BABAM2: variants seen among roughly 807,000 people sequenced by gnomAD.
BABAM2 encodes BRISC and BRCA1-A complex member 2.
BABAM2 carries 31 observed loss-of-function variants against 54.7 expected under a neutral mutation model. The ratio of observed to expected loss-of-function variants is 0.57; its 90% confidence interval spans 0.43 to 0.77. The LOEUF is 0.77. Among genes scored for constraint, BABAM2 ranks in the 30% least tolerant of loss-of-function variants. The pLI is 0.00. For missense variants in BABAM2, 364 were observed against 455.8 expected (o/e 0.80, Z 1.83); for synonymous variants, 167 against 162.9 (o/e 1.03, Z -0.19).
At chr2:27,974,738 T>C (rs923299230) in intron 3 of BABAM2, among the ~76,000 whole-genome samples, 1 of 152,056 alleles carries the variant, frequency 6.6e-6, no homozygotes, top group Admixed American at 6.5e-5. Context: ...AACATAGTAC[T>C]GGAAGTTGCA....
intron 10 of BABAM2, among the ~76,000 whole-genome samples, chr2:28,297,439 C>T (rs940744463): frequency 6.6e-6 from 1 of 152,114 alleles, no homozygotes; most frequent in African/African-American, 2.4e-5. Flanking sequence ...TACACATATA[C>T]GTTATATACC....
intron 10 of BABAM2, among the ~76,000 whole-genome samples, chr2:28,283,873 A>T (rs1301082130): frequency 6.6e-6 from 1 of 152,238 alleles, no homozygotes; most frequent in African/African-American, 2.4e-5. Context: ...TTTATCAAAA[A>T]CAATGAAAAA....
intron 4 of BABAM2, among the ~76,000 whole-genome samples, chr2:28,002,059 G>A (rs1462645734): frequency 2.6e-5 from 1 of 39,184 alleles, no homozygotes; most frequent in Admixed American, 4.3e-4. Context: ...AATCAAACAG[G>A]TAAAAAAAAA....
At chr2:28,189,071 C>T (rs2147912322) in intron 7 of BABAM2, among the ~76,000 whole-genome samples, 1 of 151,978 alleles carries the variant, frequency 6.6e-6, no homozygotes, top group Admixed American at 6.6e-5. Context: ...GATGGTGGTG[C>T]GTGCCTGTAA....
intron 6 of BABAM2, among the ~76,000 whole-genome samples, chr2:28,096,928 C>T (rs1666682126): frequency 1.3e-5 from 2 of 152,128 alleles, no homozygotes; most frequent in African/African-American, 4.8e-5. Flanking sequence ...AAAGATTAGA[C>T]CAACTTACAG....
At chr2:28,128,387 A>G (rs1669755455) in intron 6 of BABAM2, among the ~76,000 whole-genome samples, 1 of 152,256 alleles carries the variant, frequency 6.6e-6, no homozygotes, top group Admixed American at 6.5e-5. Context: ...GTGTGCCACG[A>G]GATTTATTTT....
chr2:27,982,844 T>TATATAC (rs1553405520), intron 3 of BABAM2, among the ~76,000 whole-genome samples: 2 of 127,164 alleles, frequency 1.6e-5, no homozygotes, highest in African/African-American at 3.3e-5. Context: ...TCATTATGTG[T>TATATAC]ACACACACAC....
At chr2:28,098,669 G>A (rs1047345259) in intron 6 of BABAM2, among the ~76,000 whole-genome samples, 11 of 152,146 alleles carry the variant, frequency 7.2e-5, no homozygotes, top group Non-Finnish European at 5.9e-5. Context: ...ATGGATTAAG[G>A]TGTAAACGTG....
chr2:28,016,448 TTCA>T, intron 4 of BABAM2: 1 of 1,352,782 alleles, frequency 7.4e-7, no homozygotes, highest in Non-Finnish European at 1.1e-6. Context: ...TGCTGTTGGG[TTCA>T]TATAGGCTAC....
intron 7 of BABAM2, among the ~76,000 whole-genome samples, chr2:28,182,482 C>A (rs1675756391): frequency 1.3e-5 from 2 of 152,204 alleles, no homozygotes; most frequent in Non-Finnish European, 1.5e-5. Flanking sequence ...CTCCACTCCC[C>A]ATACAGTTAG....
At chr2:28,054,316 T>A (rs906350220) in intron 6 of BABAM2, among the ~76,000 whole-genome samples, 4 of 152,162 alleles carry the variant, frequency 2.6e-5, no homozygotes, top group African/African-American at 9.7e-5. Context: ...CTACCCTTTT[T>A]TTAACCTTCC....
At chr2:28,237,514 T>C (rs1220946932) in intron 8 of BABAM2, among the ~76,000 whole-genome samples, 1 of 152,186 alleles carries the variant, frequency 6.6e-6, no homozygotes, top group Non-Finnish European at 1.5e-5. Flanking sequence ...GATTCTGACC[T>C]CCTTTTCCAG....
chr2:28,129,780 A>G (rs1350963952), intron 7 of BABAM2, among the ~76,000 whole-genome samples: 1 of 152,258 alleles, frequency 6.6e-6, no homozygotes, highest in African/African-American at 2.4e-5. Context: ...TAGCCTCTTC[A>G]AAATATTTAG....
chr2:28,074,598 G>C (rs914824482), intron 6 of BABAM2, among the ~76,000 whole-genome samples: 10 of 152,108 alleles, frequency 6.6e-5, no homozygotes, highest in African/African-American at 2.4e-4. Flanking sequence ...ACCCCTATAT[G>C]AGAAGTCATG....
chr2:27,985,013 A>G (rs568869953), intron 3 of BABAM2, among the ~76,000 whole-genome samples: 1 of 151,024 alleles, frequency 6.6e-6, no homozygotes, highest in South Asian at 2.1e-4. Context: ...GTTGCTGCAA[A>G]TGCCATTATT....
At chr2:28,057,155 T>A (rs1396834465) in intron 6 of BABAM2, among the ~76,000 whole-genome samples, 1 of 152,192 alleles carries the variant, frequency 6.6e-6, no homozygotes, top group Admixed American at 6.5e-5. Flanking sequence ...CCAGCATCTC[T>A]CTTAAACTGT....
chr2:28,331,859 C>A (rs978834295), intron 11 of BABAM2, among the ~76,000 whole-genome samples: 4 of 152,200 alleles, frequency 2.6e-5, no homozygotes, highest in African/African-American at 9.7e-5. Flanking sequence ...TATAAAGATA[C>A]ATGCACGCAT....
At chr2:28,120,143 C>A (rs765781201) in intron 6 of BABAM2, among the ~76,000 whole-genome samples, 1 of 152,166 alleles carries the variant, frequency 6.6e-6, no homozygotes, top group Non-Finnish European at 1.5e-5. Context: ...ATTTTAATTT[C>A]TTGCCCTGTA....
chr2:27,955,103 T>G (rs1669994885), intron 3 of BABAM2, among the ~76,000 whole-genome samples: 1 of 152,202 alleles, frequency 6.6e-6, no homozygotes, highest in Non-Finnish European at 1.5e-5. Flanking sequence ...ATGTAACTCT[T>G]CCTACAAAGG....
Sources: gnomAD v4.1 joint callset for allele counts (sites outside exome capture counted in the v4.1 genomes callset) on GRCh38, gnomAD v4.1.1 for gene constraint, MANE v1.5 for transcripts, NCBI Gene and HGNC (gene_info 2026-07-23, HGNC 2026-07-21) for gene names.